The following CREB5 variants were observed in gnomAD, a reference collection of about 807,000 sequenced individuals.
The protein encoded by CREB5 is cAMP responsive element binding protein 5.
In CREB5, 19 loss-of-function variants were observed where a neutral mutation model predicts 57.1. The observed-to-expected ratio is 0.33, with a 90% confidence interval of 0.23 to 0.49. The LOEUF is 0.49. Ranked by LOEUF, CREB5 falls within the 20% of genes least tolerant of loss-of-function variation. The pLI, the probability that CREB5 is intolerant of heterozygous loss-of-function variation, is 0.99. For missense variants in CREB5, 579 were observed against 671.6 expected (o/e 0.86, Z 1.52); for synonymous variants, 238 against 238.3 (o/e 1.00, Z 0.01).
intron 7 of CREB5, among the ~76,000 whole-genome samples, chr7:28,725,663 G>T (rs912202679): frequency 7.0e-6 from 1 of 142,044 alleles, no homozygotes; most frequent in African/African-American, 2.7e-5. Context: ...AAAAAAAAAA[G>T]AAAGAAAGAA....
chr7:28,436,436 C>T (rs976218669), intron 1 of CREB5, among the ~76,000 whole-genome samples: 19 of 152,130 alleles, frequency 1.2e-4, no homozygotes, highest in Non-Finnish European at 2.5e-4. Flanking sequence ...GGGCACAGAA[C>T]GGGGCCCTCT....
At chr7:28,584,433 C>T (rs956937602) in intron 5 of CREB5, among the ~76,000 whole-genome samples, 3 of 152,014 alleles carry the variant, frequency 2.0e-5, no homozygotes, top group Non-Finnish European at 4.4e-5. Context: ...TATAAGAAGG[C>T]CATGTGGAGA....
intron 1 of CREB5, among the ~76,000 whole-genome samples, chr7:28,479,634 A>G (rs546496312): frequency 8.5e-5 from 13 of 152,216 alleles, no homozygotes; most frequent in Non-Finnish European, 1.9e-4. Context: ...TGTTCAACGG[A>G]CATCGTGAGC....
Position 28,453,958 on chromosome 7 carries a change from C to CTTTTTTTTTTTT in CREB5, c.4-34215_4-34204dup, listed in dbSNP as rs70977045. Reference sequence around the variant, plus strand: ...AACTGAAAGAGACTCCTCTCCAATTCTTTTTTTTTTTTTGAGATGGAGTCT... The same window carrying CTTTTTTTTTTTT: ...AACTGAAAGAGACTCCTCTCCAATTCTTTTTTTTTTTTTTTTTTTTTTTTTGAGATGGAGTCT... On this transcript the variant is annotated intron_variant, in intron 1 of 10. Coordinates refer to ENST00000357727, the MANE Select transcript of CREB5 (RefSeq NM_182898.4). Among the ~76,000 whole-genome samples the CTTTTTTTTTTTT allele has an allele frequency of 2.8e-3, 375 of 132,452 alleles. 19 individuals carry two copies. The highest frequency in any genetic ancestry group is 5.2e-3 in the East Asian group (22 of 4,218). The allele number at this position is 132,452 out of a possible 152,430, so 86.9% of individuals were successfully genotyped here.
chr7:28,636,711 A>G (rs1320321133), intron 5 of CREB5, among the ~76,000 whole-genome samples: 1 of 152,074 alleles, frequency 6.6e-6, no homozygotes, highest in East Asian at 1.9e-4. Flanking sequence ...TCTATATGCT[A>G]TTTATCTACT....
chr7:28,372,803 T>C (rs1384611887), intron 1 of CREB5, among the ~76,000 whole-genome samples: 1 of 152,226 alleles, frequency 6.6e-6, no homozygotes, highest in African/African-American at 2.4e-5. Flanking sequence ...ATGACTTTCC[T>C]ATTATCAAAC....
intron 1 of CREB5, among the ~76,000 whole-genome samples, chr7:28,311,312 T>C (rs1208947181): frequency 2.0e-5 from 3 of 152,120 alleles, no homozygotes; most frequent in African/African-American, 7.2e-5. Context: ...TCAGTTCCTT[T>C]TTCATGGACT....
At chr7:28,684,822 GTT>G (rs1376349011) in intron 5 of CREB5, among the ~76,000 whole-genome samples, 3 of 152,118 alleles carry the variant, frequency 2.0e-5, no homozygotes, top group Non-Finnish European at 4.4e-5. Context: ...CCATTTTCAT[GTT>G]ACTTTTTTCT....
chr7:28,740,723 G>A (rs980897448), intron 7 of CREB5, among the ~76,000 whole-genome samples: 29 of 152,158 alleles, frequency 1.9e-4, no homozygotes, highest in African/African-American at 5.8e-4. Flanking sequence ...TTGCGTCTTC[G>A]TTCTTTTCCG....
At chr7:28,530,184 T>C (rs1793659672) in intron 4 of CREB5, among the ~76,000 whole-genome samples, 1 of 152,202 alleles carries the variant, frequency 6.6e-6, no homozygotes. Context: ...TGATTGCTTT[T>C]GAATTGGTAC....
chr7:28,416,611 A>G (rs1277594147), intron 1 of CREB5, among the ~76,000 whole-genome samples: 2 of 152,170 alleles, frequency 1.3e-5, no homozygotes, highest in Non-Finnish European at 1.5e-5. Flanking sequence ...CAATGACAAC[A>G]TTGTGCAGAA....
intron 4 of CREB5, among the ~76,000 whole-genome samples, chr7:28,556,944 C>T (rs1386556693): frequency 1.3e-5 from 2 of 152,194 alleles, no homozygotes; most frequent in Admixed American, 1.3e-4. Flanking sequence ...TCTCTTCTTC[C>T]CTGGTCTTAC....
chr7:28,800,189 C>T (rs1808282457), intron 7 of CREB5, among the ~76,000 whole-genome samples: 3 of 152,112 alleles, frequency 2.0e-5, no homozygotes, highest in Admixed American at 6.5e-5. Context: ...CATATAACAA[C>T]AGGAACTGAT....
intron 1 of CREB5, among the ~76,000 whole-genome samples, chr7:28,342,413 A>G (rs922865253): frequency 6.6e-6 from 1 of 152,210 alleles, no homozygotes; most frequent in Non-Finnish European, 1.5e-5. Flanking sequence ...AATTAGTACT[A>G]ATACTGGTAA....
chr7:28,791,576 C>T (rs374757356), intron 7 of CREB5, among the ~76,000 whole-genome samples: 20 of 152,286 alleles, frequency 1.3e-4, no homozygotes, highest in African/African-American at 4.3e-4. Context: ...TAATTTTTGT[C>T]GCCTATTTCA....
At chr7:28,776,443 A>C (rs1335729744) in intron 7 of CREB5, among the ~76,000 whole-genome samples, 1 of 152,098 alleles carries the variant, frequency 6.6e-6, no homozygotes, top group African/African-American at 2.4e-5. Context: ...AGAATTTGAC[A>C]TGAAAAATTT....
chr7:28,350,874 T>C (rs1035938422), intron 1 of CREB5, among the ~76,000 whole-genome samples: 3 of 152,186 alleles, frequency 2.0e-5, no homozygotes, highest in Admixed American at 6.5e-5. Context: ...GTCAGCCTTA[T>C]CTCTGCTTTC....
intron 1 of CREB5, among the ~76,000 whole-genome samples, chr7:28,405,490 C>T (rs1333378721): frequency 2.0e-5 from 3 of 152,154 alleles, no homozygotes; most frequent in African/African-American, 4.8e-5. Flanking sequence ...CTGCTCATCG[C>T]AGCCTTGATC....
At chr7:28,660,299 C>G (rs527752858) in intron 5 of CREB5, among the ~76,000 whole-genome samples, 66 of 151,966 alleles carry the variant, frequency 4.3e-4, no homozygotes, top group Non-Finnish European at 7.5e-4. Context: ...AGCAAAGAAC[C>G]ACTGTCCTCA....
Sources: allele counts gnomAD v4.1 joint callset (sites outside exome capture counted in the v4.1 genomes callset), GRCh38; gene constraint gnomAD v4.1.1; transcripts MANE v1.5; gene names NCBI Gene and HGNC (gene_info 2026-07-23, HGNC 2026-07-21).